Variants in DOCK2 observed in about 807,000 individuals in gnomAD.
DOCK2 encodes dedicator of cytokinesis 2.
In DOCK2, 87 loss-of-function variants were observed where a neutral mutation model predicts 248.9. The ratio of observed to expected loss-of-function variants is 0.35; its 90% confidence interval spans 0.29 to 0.42. The LOEUF (loss-of-function observed/expected upper bound fraction) is 0.42, where lower values mean the gene tolerates loss of function less well. DOCK2 is among the 10% of genes least tolerant of loss of function. DOCK2 has a pLI of 1.00. For missense variants in DOCK2, 1,747 were observed against 2,300.2 expected (o/e 0.76, Z 4.92); for synonymous variants, 805 against 821.6 (o/e 0.98, Z 0.35).
In DOCK2 at chr5:169,708,153, G is replaced by T. The variant is rs1466353236; in HGVS notation, c.1384-16G>T. 1 of 1,612,776 alleles carries T rather than the reference G, an allele frequency of 6.2e-7. No homozygotes were observed. Among genetic ancestry groups the T allele is most frequent in the South Asian group, 1.1e-5 (1 of 90,680 alleles). On this transcript the variant is annotated splice_polypyrimidine_tract_variant and intron_variant, in intron 14 of 51. Transcript: ENST00000520908. Reference sequence around the variant, plus strand: ...ATTCTGTAGTCTTTTCCCTCACTTTGTTTTTCTTGGGTCAGAATGCAATTT... The same window carrying T: ...ATTCTGTAGTCTTTTCCCTCACTTTTTTTTTCTTGGGTCAGAATGCAATTT...
intron 44 of DOCK2, among the ~76,000 whole-genome samples, chr5:170,067,025 G>A (rs186567720): frequency 5.9e-5 from 9 of 152,300 alleles, no homozygotes; most frequent in Admixed American, 4.6e-4. Context: ...TGTTGGACAG[G>A]TGTTCTGTTT....
At chr5:169,843,338 A>G (rs1041485677) in intron 27 of DOCK2, among the ~76,000 whole-genome samples, 2 of 151,860 alleles carry the variant, frequency 1.3e-5, no homozygotes, top group African/African-American at 4.8e-5. Context: ...CCTGGCTAAC[A>G]CGGTGAAACC....
Position 170,047,605 on chromosome 5 carries a change from C to T in DOCK2, c.4062C>T (p.Ser1354=). The T allele has an allele frequency of 6.2e-7, 1 of 1,614,012 alleles. No individual in the cohort carries two copies. Among genetic ancestry groups the T allele is most frequent in the Non-Finnish European group, 8.5e-7 (1 of 1,179,924 alleles). Residue 1354 remains serine (S), a synonymous_variant, in exon 40 of 52, where the codon TCC becomes TCT. Coordinates refer to ENST00000520908, the MANE Select transcript of DOCK2 (RefSeq NM_004946.3). ...AVGYYGQGFP[S]FLRNKVFIYR... ...GATACTACGGCCAGGGATTCCCCTC[C>T]TTCCTGCGGGTGAGTTTGGGGGTGA...
At chr5:169,642,615 C>A (rs1757213654) in intron 1 of DOCK2, among the ~76,000 whole-genome samples, 1 of 152,198 alleles carries the variant, frequency 6.6e-6, no homozygotes, top group Non-Finnish European at 1.5e-5. Flanking sequence ...ATGGATTAGA[C>A]ATCTAATTCC....
At chr5:170,056,237 G>T (rs1488264732) in intron 42 of DOCK2, among the ~76,000 whole-genome samples, 2 of 152,200 alleles carry the variant, frequency 1.3e-5, no homozygotes, top group African/African-American at 4.8e-5. Flanking sequence ...TGTGCAGCTA[G>T]CACGGTGTTC....
chr5:170,005,175 T>C (rs976597452), intron 30 of DOCK2, among the ~76,000 whole-genome samples: 2 of 152,256 alleles, frequency 1.3e-5, no homozygotes, highest in East Asian at 3.9e-4. Flanking sequence ...TATTTTATGA[T>C]GTCACCTATA....
intron 25 of DOCK2, among the ~76,000 whole-genome samples, chr5:169,783,850 T>C (rs1393211594): frequency 1.3e-5 from 2 of 152,256 alleles, no homozygotes; most frequent in Non-Finnish European, 2.9e-5. Flanking sequence ...AGCTTGCAGA[T>C]ACTTAACTAA....
intron 27 of DOCK2, among the ~76,000 whole-genome samples, chr5:169,867,469 C>A (rs558189159): frequency 3.8e-4 from 57 of 151,912 alleles, no homozygotes; most frequent in Non-Finnish European, 2.6e-4. Context: ...ATCTATTGAT[C>A]CATCCATCTA....
At chr5:169,656,803 A>G (rs769207216) in intron 2 of DOCK2, among the ~76,000 whole-genome samples, 5 of 152,236 alleles carry the variant, frequency 3.3e-5, no homozygotes, top group Non-Finnish European at 7.3e-5. Context: ...ACAGGCTGCC[A>G]TAGTCAGAGC....
intron 46 of DOCK2, 109 bp downstream of exon 46, chr5:170,069,329 C>A (rs1757602469): frequency 9.2e-7 from 1 of 1,090,904 alleles, no homozygotes; most frequent in Non-Finnish European, 1.4e-6. Context: ...TTCACATGCC[C>A]TCCTGTCCCT....
At chr5:169,752,344 G>T (rs1763941382) in intron 23 of DOCK2, among the ~76,000 whole-genome samples, 1 of 152,196 alleles carries the variant, frequency 6.6e-6, no homozygotes, top group African/African-American at 2.4e-5. Context: ...AGCCCCTGGA[G>T]TGTCCAGGAG....
chr5:169,789,025 T>G (rs1019654110), intron 25 of DOCK2, among the ~76,000 whole-genome samples: 17 of 152,126 alleles, frequency 1.1e-4, no homozygotes, highest in African/African-American at 3.9e-4. Context: ...CCAGTGAGGG[T>G]TGTTCCCCTC....
intron 27 of DOCK2, among the ~76,000 whole-genome samples, chr5:169,950,657 A>G (rs1776625534): frequency 6.6e-6 from 1 of 152,156 alleles, no homozygotes; most frequent in African/African-American, 2.4e-5. Context: ...TTCCCCTATG[A>G]AGTATTTTGT....
intron 30 of DOCK2, among the ~76,000 whole-genome samples, chr5:169,997,313 C>T (rs992665968): frequency 2.2e-5 from 3 of 136,968 alleles, no homozygotes; most frequent in Non-Finnish European, 4.7e-5. Flanking sequence ...GGGTTTTATA[C>T]CGAGACATTC....
chr5:169,975,533 C>T (rs1415892858), intron 27 of DOCK2, among the ~76,000 whole-genome samples: 1 of 152,156 alleles, frequency 6.6e-6, no homozygotes, highest in African/African-American at 2.4e-5. Flanking sequence ...TCAGCTCCTC[C>T]GACGCTCCAA....
intron 26 of DOCK2, among the ~76,000 whole-genome samples, chr5:169,835,901 T>G (rs1308861339): frequency 6.6e-6 from 1 of 152,018 alleles, no homozygotes; most frequent in Non-Finnish European, 1.5e-5. Context: ...ACTACAAGTG[T>G]GCACCACCAT....
intron 27 of DOCK2, among the ~76,000 whole-genome samples, chr5:169,905,575 C>T (rs181717908): frequency 1.1e-4 from 17 of 152,306 alleles, no homozygotes; most frequent in South Asian, 1.0e-3. Context: ...TAATGTCACT[C>T]GCTCTTCAAG....
rs1764671335 is a variant in DOCK2 at position 169,764,782 on chromosome 5, C to T, written c.2554+3157C>T. Among the ~76,000 whole-genome samples the T allele has an allele frequency of 6.6e-6, 1 of 152,284 alleles. No homozygotes were observed. Among genetic ancestry groups the T allele is most frequent in the Admixed American group, 6.5e-5 (1 of 15,294 alleles). ...GGTTTTCCTCAGGGTCCGAGAGACA[C>T]AGGACCTAATGAATAAAAGGGCCTT... On this transcript the variant is annotated intron_variant, in intron 25 of 51. Coordinates refer to ENST00000520908, the MANE Select transcript of DOCK2 (RefSeq NM_004946.3). The surrounding 1 kb of genome is among the most constrained non-coding windows in gnomAD (Gnocchi z 4.3).
intron 27 of DOCK2, among the ~76,000 whole-genome samples, chr5:169,896,691 C>A (rs1217506462): frequency 6.6e-6 from 1 of 152,128 alleles, no homozygotes; most frequent in African/African-American, 2.4e-5. Context: ...TGAGAACCAG[C>A]AAAGATTTCT....
Sources: allele counts gnomAD v4.1 joint callset (sites outside exome capture counted in the v4.1 genomes callset), GRCh38; gene constraint gnomAD v4.1.1; non-coding constraint Gnocchi (gnomAD v3.1); transcripts MANE v1.5; gene names NCBI Gene and HGNC (gene_info 2026-07-23, HGNC 2026-07-21).